Variants in ARRB2 observed in about 807,000 individuals in gnomAD.
The protein encoded by ARRB2 is arrestin beta 2, also known as beta-arrestin-2.
In ARRB2, 21 loss-of-function variants were observed where a neutral mutation model predicts 53.4. The ratio of observed to expected loss-of-function variants is 0.39; its 90% CI spans 0.28 to 0.57. ARRB2 has a LOEUF of 0.57. Among genes scored for constraint, ARRB2 ranks in the 20% least tolerant of loss-of-function variants. The pLI is 0.55. For missense variants in ARRB2, 369 were observed against 527.5 expected (o/e 0.70, Z 2.94); for synonymous variants, 180 against 212.9 (o/e 0.85, Z 1.34).
At chr17:4,712,411 G>A (rs1203122951) in intron 1 of ARRB2, among the ~76,000 whole-genome samples, 2 of 152,226 alleles carry the variant, frequency 1.3e-5, no homozygotes, top group African/African-American at 4.8e-5. Context: ...CAAAGGCCAG[G>A]GTCATTGCTC....
intron 1 of ARRB2, 36 bp downstream of exon 1, chr17:4,710,780 G>T: frequency 2.5e-6 from 1 of 398,622 alleles, no homozygotes; most frequent in East Asian, 3.6e-5. Context: ...GGGCATGGGC[G>T]GCGGCTCGGG....
At position 4,720,959 on chromosome 17, in the gene ARRB2, G is replaced by C. The variant is rs1915641420; in HGVS notation, c.1150G>C (p.Asp384His). 1 of 1,614,010 alleles carries C rather than the reference G, an allele frequency of 6.2e-7. No individual in the cohort carries two copies. The highest frequency in any genetic ancestry group is 8.5e-7 in the Non-Finnish European group (1 of 1,179,950). ...CCCACCACCAAGCTATGCCACAGAT[G>C]ATGACATTGTGTTTGAGGACTTTGC... is the stretch of plus-strand genomic sequence containing the variant. ...IEFDTNYATD[D>H]DIVFEDFARL... is the part of the protein sequence containing the mutation. Residue 384 changes from aspartate (D) to histidine (H), a missense_variant, in exon 15 of 15, where the codon GAT becomes CAT. Coordinates refer to ENST00000269260, the MANE Select transcript of ARRB2 (RefSeq NM_004313.4).
chr17:4,719,988 G>A (rs1915525654), intron 11 of ARRB2, among the ~76,000 whole-genome samples: 1 of 152,200 alleles, frequency 6.6e-6, no homozygotes, highest in Non-Finnish European at 1.5e-5. Context: ...GCCAGACGGT[G>A]CAAGGCTGTT....
intron 3 of ARRB2, 40 bp downstream of exon 3, chr17:4,716,073 G>A (rs1914996279): frequency 1.2e-6 from 2 of 1,614,176 alleles, no homozygotes; most frequent in Non-Finnish European, 1.7e-6. Flanking sequence ...TCCCCAAGAG[G>A]GGAAGAAGTT....
intron 1 of ARRB2, among the ~76,000 whole-genome samples, chr17:4,712,939 G>T (rs1050644752): frequency 1.3e-5 from 2 of 152,204 alleles, no homozygotes; most frequent in African/African-American, 4.8e-5. Context: ...GTAAAACAGA[G>T]ATATTAGGAG....
intron 8 of ARRB2, 58 bp from the exon 9 acceptor site, chr17:4,718,203 C>A: frequency 6.4e-7 from 1 of 1,559,500 alleles, no homozygotes; most frequent in Non-Finnish European, 8.8e-7. Flanking sequence ...TGGGGACACA[C>A]TGATGATGGG....
Position 4,721,156 on chromosome 17 carries a change from C to T in ARRB2, c.*117C>T, listed in dbSNP as rs1022710078. 1.2e-5 allele frequency: 12 copies of T among 1,021,216 alleles called. No individual in the cohort carries two copies. In the African/African-American group the frequency reaches 1.4e-4, roughly 12 times the overall value. The allele number at this position is 1,021,216 out of a possible 1,614,324, so 63.3% of individuals were successfully genotyped here. A position where few individuals can be genotyped will look rare whatever the true frequency, so the allele number is the denominator to read the frequency against. ...CTCTTCCCTTCCCCTCACCTGGAAG[C>T]TTCTTCAACCAATCCCTTCACACTC... On this transcript the variant is annotated 3_prime_UTR_variant, in exon 15 of 15. Coordinates refer to ENST00000269260, the MANE Select transcript of ARRB2 (RefSeq NM_004313.4). The surrounding 1 kb of genome is among the most constrained non-coding windows in gnomAD (Gnocchi z 4.2).
intron 1 of ARRB2, among the ~76,000 whole-genome samples, chr17:4,711,104 G>C (rs913235294): frequency 6.6e-6 from 1 of 151,936 alleles, no homozygotes; most frequent in African/African-American, 2.4e-5. Context: ...ATGCCGGGAC[G>C]GGGGGGATCC....
chr17:4,715,060 C>G lies in ARRB2; in HGVS notation c.54+17C>G. On this transcript the variant is annotated intron_variant, in intron 2 of 14. Transcript: ENST00000269260. ...AACTGCAAGGTGAGTCTCCACAGCA[C>G]TTACCCTTTTGACCCTCCCTGGGCC... 1.2e-6 allele frequency: 2 copies of G among 1,604,730 alleles called. No individual in the cohort carries two copies. Among genetic ancestry groups the G allele is most frequent in the East Asian group, 2.2e-5 (1 of 44,704 alleles).
Position 4,717,801 on chromosome 17 carries a change from G to A in ARRB2, c.485+49G>A, listed in dbSNP as rs369737636. The A allele has an allele frequency of 1.4e-5, 22 of 1,601,820 alleles. No homozygotes were observed. The highest frequency in any genetic ancestry group is 3.3e-5 in the South Asian group (3 of 90,868). On this transcript the variant is annotated intron_variant, in intron 7 of 14. Transcript: ENST00000269260. The surrounding 1 kb of genome is among the most constrained non-coding windows in gnomAD (Gnocchi z 6.0). ...GGTGTAAGAGGAGGCTTTCCTCCCCGCTTCCAGGAGCCCAGGCCCCGTGCG... is the reference window on the plus strand; with the variant it reads ...GGTGTAAGAGGAGGCTTTCCTCCCCACTTCCAGGAGCCCAGGCCCCGTGCG...
chr17:4,718,170 G>T, intron 8 of ARRB2, 91 bp from the exon 9 acceptor site: 1 of 1,541,754 alleles, frequency 6.5e-7, no homozygotes, highest in South Asian at 1.2e-5. Flanking sequence ...GAGGGGAGGG[G>T]GCCAGAACAA....
rs368472025 is a variant in ARRB2, at chr17:4,719,126, A to G, written c.780-157A>G. On this transcript the variant is annotated intron_variant, in intron 10 of 14. Coordinates refer to ENST00000269260, the MANE Select transcript of ARRB2 (RefSeq NM_004313.4). Reference sequence around the variant, plus strand: ...TCCACAGCCAGGCTCCAGGCTGTTAATTTTCTTGAGCACGTTGAGCCAAAA... The same window carrying G: ...TCCACAGCCAGGCTCCAGGCTGTTAGTTTTCTTGAGCACGTTGAGCCAAAA... Among the ~76,000 whole-genome samples the G allele has an allele frequency of 3.5e-4, 53 of 152,296 alleles. 1 individual carries two copies. The South Asian group carries it at 9.7e-3, about 28-fold the overall frequency.
intron 1 of ARRB2, among the ~76,000 whole-genome samples, 182 bp downstream of exon 1, chr17:4,710,926 G>C (rs1362395506): frequency 6.6e-6 from 1 of 152,004 alleles, no homozygotes; most frequent in Non-Finnish European, 1.5e-5. Context: ...GGAAATGCCC[G>C]GGCCCCTGCA....
chr17:4,720,494 A>G (rs369719676), intron 13 of ARRB2, 22 bp downstream of exon 13: 3 of 1,602,848 alleles, frequency 1.9e-6, no homozygotes, highest in Non-Finnish European at 2.6e-6. Flanking sequence ...ACCCACCCCA[A>G]GCCCTCAGAG....
At chr17:4,716,864 T>G in intron 5 of ARRB2, 2 of 686,486 alleles carry the variant, frequency 2.9e-6, no homozygotes, top group Non-Finnish European at 4.8e-6. Flanking sequence ...AGACAAAGTC[T>G]CGCTCTGTCG....
chr17:4,716,855 G>A lies in ARRB2; in HGVS notation c.357+247G>A, dbSNP rs1915119916. 9 of 725,242 alleles carry A rather than the reference G, an allele frequency of 1.2e-5. No individual in the cohort carries two copies. The South Asian group carries it at 1.4e-4, about 11-fold the overall frequency. 44.9% of individuals were successfully genotyped at this position (725,242 alleles called of 1,614,324 possible). ...CCAGCCTCTTTTTTGTTGTTGTTGAGACAAAGTCTCGCTCTGTCGCCCAGG... is the reference window on the plus strand; with the variant it reads ...CCAGCCTCTTTTTTGTTGTTGTTGAAACAAAGTCTCGCTCTGTCGCCCAGG... On this transcript the variant is annotated intron_variant, in intron 5 of 14. Transcript: ENST00000269260.
At chr17:4,715,517 A>C (rs1279449621) in intron 2 of ARRB2, 13 of 243,130 alleles carry the variant, frequency 5.3e-5, no homozygotes, top group Admixed American at 4.3e-4. Context: ...ATACACACAC[A>C]CCTGGCTGGT....
In ARRB2 at chr17:4,720,574, C is replaced by T; in HGVS notation, c.1082-12C>T. 3 of 1,582,318 alleles carry T rather than the reference C, an allele frequency of 1.9e-6. No homozygotes were observed. Among genetic ancestry groups the T allele is most frequent in the Non-Finnish European group, 2.6e-6 (3 of 1,167,368 alleles). On this transcript the variant is annotated splice_polypyrimidine_tract_variant and intron_variant, in intron 13 of 14. Transcript: ENST00000269260. ...GCACCCACCCCCACACCCCCTCTTCCCGTCCCCCCAGCCGCTCCGGAGACA... is the reference window on the plus strand; with the variant it reads ...GCACCCACCCCCACACCCCCTCTTCTCGTCCCCCCAGCCGCTCCGGAGACA...
intron 5 of ARRB2, 143 bp downstream of exon 5, chr17:4,716,751 C>A: frequency 7.1e-7 from 1 of 1,408,724 alleles, no homozygotes; most frequent in South Asian, 1.5e-5. Flanking sequence ...GGTCCCAGTG[C>A]ATTCAGGAAG....
Sources: allele counts gnomAD v4.1 joint callset (sites outside exome capture counted in the v4.1 genomes callset), GRCh38; gene constraint gnomAD v4.1.1; non-coding constraint Gnocchi (gnomAD v3.1); transcripts MANE v1.5; gene names NCBI Gene and HGNC (gene_info 2026-07-23, HGNC 2026-07-21).